CCDC160: variants seen among roughly 807,000 people sequenced by gnomAD.
CCDC160 encodes coiled-coil domain containing 160, also known as coiled-coil domain-containing protein 160.
For synonymous variants in CCDC160, 94 were observed against 79.4 expected (o/e 1.18, Z -0.98); for missense variants, 227 against 215.6 (o/e 1.05, Z -0.33).
chrX:134,241,400 T>C (rs1057380460), intron 1 of CCDC160, among the ~76,000 whole-genome samples: 3 of 111,311 alleles, frequency 2.7e-5, no homozygotes, highest in Non-Finnish European at 5.7e-5. Flanking sequence ...GATCTCTCAC[T>C]CCACAAAAAT....
At chrX:134,245,936 C>A, downstream of CCDC160, 1 of 396,084 alleles carries the variant, frequency 2.5e-6, no homozygotes, top group Non-Finnish European at 4.1e-6. Flanking sequence ...CAAGCTTCTG[C>A]TTTCTCTTTC....
At chrX:134,240,091 TA>T (rs1388614120) in intron 1 of CCDC160, among the ~76,000 whole-genome samples, 1 of 111,820 alleles carries the variant, frequency 8.9e-6, no homozygotes, top group Non-Finnish European at 1.9e-5. Flanking sequence ...ATCTCCCCTA[TA>T]GGGGGCAGGT....
chrX:134,245,735 C>T (rs377317260), exon 2 of CCDC160: 34 of 1,170,146 alleles, frequency 2.9e-5, no homozygotes, highest in African/African-American at 5.4e-5. Flanking sequence ...TCAATGGTAA[C>T]ATCATCAAGT....
At chrX:134,246,048 T>C, downstream of CCDC160, 1 of 191,519 alleles carries the variant, frequency 5.2e-6, no homozygotes, top group Non-Finnish European at 9.5e-6. Flanking sequence ...CACACACATA[T>C]ATTCACTCAA....
chrX:134,243,228 G>A (rs1049471072), intron 1 of CCDC160: 10 of 229,220 alleles, frequency 4.4e-5, no homozygotes, highest in Non-Finnish European at 6.2e-5. Flanking sequence ...AGAAAGCTTG[G>A]CTTCTGGCTT....
At chrX:134,243,839 G>A (rs1339355290) in intron 1 of CCDC160, among the ~76,000 whole-genome samples, 2 of 111,481 alleles carry the variant, frequency 1.8e-5, no homozygotes, top group African/African-American at 3.3e-5. Context: ...GTGGCTTCAG[G>A]TGCCAGTGGC....
rs2077037282 is a variant in CCDC160, at chrX:134,244,902, A to G, written c.102A>G (p.Glu34=). Residue 34 remains glutamate (E), a synonymous_variant, in exon 2 of 2, where the codon GAA becomes GAG. Coordinates refer to ENST00000370809, the Ensembl canonical transcript of CCDC160. ...CTTCTGAGCCTGAATCTTCTTCTGA[A>G]CAAACGACTGCAGATAGCAGCAAGG... 20 of 1,205,139 alleles carry G rather than the reference A, an allele frequency of 1.7e-5. No homozygotes were observed. In the East Asian group the frequency reaches 5.6e-4, roughly 34 times the overall value.
At chrX:134,245,046 C>A in exon 2 of CCDC160, 9 of 1,180,741 alleles carry the variant, frequency 7.6e-6, no homozygotes, top group Non-Finnish European at 1.0e-5. Context: ...TAAGAGAGAA[C>A]AAGAGAAACA....
At chrX:134,245,084 C>T (rs761572883) in exon 2 of CCDC160, 1 of 1,184,379 alleles carries the variant, frequency 8.4e-7, no homozygotes, top group Non-Finnish European at 1.1e-6. Flanking sequence ...GACACAAATT[C>T]TGCATCCTAT....
At position 134,244,262 on chromosome X, in the gene CCDC160, AG is replaced by A. The variant is rs754780509; in HGVS notation, c.-24-513del. On this transcript the variant is annotated intron_variant, in intron 1 of 1. Coordinates refer to ENST00000370809, the Ensembl canonical transcript of CCDC160. ...AGGGCATTTGGCAGAGTTAGTCATA[AG>A]GAAGTCTGCATGGTATACTTTACCA... 1.3e-4 allele frequency among the ~76,000 whole-genome samples: 15 copies of A among 111,728 alleles called. No individual in the cohort carries two copies. The South Asian group carries it at 5.3e-3, about 39-fold the overall frequency.
At chrX:134,239,976 G>A (rs984257283) in intron 1 of CCDC160, among the ~76,000 whole-genome samples, 1 of 111,777 alleles carries the variant, frequency 8.9e-6, no homozygotes, top group Non-Finnish European at 1.9e-5. Flanking sequence ...AATGTTGCAT[G>A]GTAAAACATA....
chrX:134,243,380 T>C (rs2077033042), intron 1 of CCDC160: 2 of 743,173 alleles, frequency 2.7e-6, no homozygotes, highest in South Asian at 6.9e-5. Flanking sequence ...CCATCTTTTG[T>C]GGGGAAAAGG....
At chrX:134,246,004 AGTGT>A (rs201689931), downstream of CCDC160, 2,769 of 196,162 alleles carry the variant, frequency 0.014, 3 homozygotes, top group East Asian at 0.037. Context: ...CTCATATCAG[AGTGT>A]GTGTGTGTGT....
At chrX:134,244,017 G>A (rs1317131880) in intron 1 of CCDC160, among the ~76,000 whole-genome samples, 5 of 111,808 alleles carry the variant, frequency 4.5e-5, no homozygotes, top group African/African-American at 1.3e-4. Flanking sequence ...AACTTGGAAA[G>A]TTGGTTGTGA....
chrX:134,239,086 T>G (rs772873270), intron 1 of CCDC160, among the ~76,000 whole-genome samples: 1 of 111,753 alleles, frequency 8.9e-6, no homozygotes, highest in African/African-American at 3.3e-5. Context: ...AGAGGAGAAA[T>G]TATGTCAAAA....
At chrX:134,245,754 C>T (rs2077041468) in exon 2 of CCDC160, 3 of 1,137,645 alleles carry the variant, frequency 2.6e-6, no homozygotes, top group African/African-American at 3.7e-5. Flanking sequence ...GTATCCTTGA[C>T]CACTTTACTG....
intron 1 of CCDC160, among the ~76,000 whole-genome samples, 151 bp from the exon 3 acceptor site, chrX:134,244,626 T>C (rs758026159): frequency 8.9e-6 from 1 of 112,078 alleles, no homozygotes; most frequent in East Asian, 2.8e-4. Flanking sequence ...ATGAGGGGAC[T>C]GAGGCCCAAG....
At chrX:134,246,004 A>T (rs868027903), downstream of CCDC160, 9 of 200,157 alleles carry the variant, frequency 4.5e-5, no homozygotes, top group African/African-American at 1.3e-4. Flanking sequence ...CTCATATCAG[A>T]GTGTGTGTGT....
intron 1 of CCDC160, among the ~76,000 whole-genome samples, chrX:134,241,002 A>G (rs1207925995): frequency 1.8e-5 from 2 of 110,802 alleles, no homozygotes; most frequent in Non-Finnish European, 3.8e-5. Flanking sequence ...ACAGAAAAAA[A>G]AAATTGATTT....
Sources: allele counts gnomAD v4.1 joint callset (sites outside exome capture counted in the v4.1 genomes callset), GRCh38; gene constraint gnomAD v4.1.1; transcripts MANE v1.5; gene names NCBI Gene and HGNC (gene_info 2026-07-23, HGNC 2026-07-21).